The following ACACA variants were observed in gnomAD, a reference collection of about 807,000 sequenced individuals.
ACACA encodes the protein acetyl-CoA carboxylase alpha, also known as acetyl-CoA carboxylase 1.
ACACA carries 103 observed loss-of-function variants against 296.1 expected under a neutral mutation model. The ratio of observed to expected loss-of-function variants is 0.35; its 90% CI spans 0.30 to 0.41. ACACA has a LOEUF of 0.41. Ranked by LOEUF, ACACA falls within the 10% of genes least tolerant of loss-of-function variation. The probability of loss-of-function intolerance (pLI) is 1.00; values close to 1 mark genes in which losing one functional copy is unlikely to be tolerated. For missense variants in ACACA, 1,554 were observed against 2,989.7 expected, an observed-to-expected ratio of 0.52 and a Z score of 11.20; for synonymous variants, 953 against 1,038.6, an observed-to-expected ratio of 0.92 and a Z score of 1.58.
chr17:37,205,952 A>C, intron 32 of ACACA, 80 bp from the exon 33 acceptor site: 4 of 1,227,062 alleles, frequency 3.3e-6, no homozygotes, highest in Non-Finnish European at 4.8e-6. Context: ...TATTTGGTAG[A>C]ATACCTGAAA....
intron 52 of ACACA, among the ~76,000 whole-genome samples, chr17:37,104,988 G>A (rs1020037045): frequency 2.4e-4 from 36 of 149,196 alleles, no homozygotes; most frequent in Non-Finnish European, 4.0e-4. Context: ...ACTCCCAGAG[G>A]AAACGGCTGA....
At position 37,283,399 on chromosome 17, in the gene ACACA, T is replaced by C; in HGVS notation, c.478A>G (p.Ile160Val). The C allele has an allele frequency of 6.2e-7, 1 of 1,613,866 alleles. No individual in the cohort carries two copies. Among genetic ancestry groups the C allele is most frequent in the Admixed American group, 1.7e-5 (1 of 59,990 alleles). Reference protein sequence around the residue: ...GGNKVIEKVLIANNGIAAVKC... With the variant: ...GGNKVIEKVLVANNGIAAVKC... ...ACTGCTGCAATGCCATTGTTAGCAA[T>C]AAGAACCTGGGAGGGGGAAGGAGAT... Residue 160 changes from isoleucine (I) to valine (V), a missense_variant, in exon 5 of 56, where the codon ATT becomes GTT. By Grantham distance (29) the Ile-to-Val change is conservative (BLOSUM62 3). Around this residue, in one of 16 missense-constraint regions of ACACA, gnomAD observed 40 missense variants for 92.2 expected, o/e 0.43. Transcript: ENST00000616317.
chr17:37,139,492 T>C (rs1255748451), intron 45 of ACACA, among the ~76,000 whole-genome samples: 4 of 152,232 alleles, frequency 2.6e-5, no homozygotes, highest in African/African-American at 9.6e-5. Context: ...TAGCTTGTGT[T>C]TGTGTACCCT....
intron 54 of ACACA, among the ~76,000 whole-genome samples, chr17:37,094,784 C>T (rs1015318190): frequency 2.7e-4 from 41 of 152,386 alleles, no homozygotes; most frequent in African/African-American, 9.9e-4. Flanking sequence ...TACCCGTCCT[C>T]ACGTTCAGTC....
At chr17:37,298,477 T>A (rs1462633643) in intron 3 of ACACA, among the ~76,000 whole-genome samples, 1 of 151,264 alleles carries the variant, frequency 6.6e-6, no homozygotes, top group African/African-American at 2.4e-5. Flanking sequence ...AGTATAGGAG[T>A]TTGAGACTAG....
intron 24 of ACACA, 111 bp downstream of exon 24, chr17:37,240,365 G>C: frequency 1.2e-6 from 1 of 843,352 alleles, no homozygotes; most frequent in Non-Finnish European, 2.0e-6. Flanking sequence ...TTAATGGGAA[G>C]TGTTGTTGAC....
chr17:37,339,148 A>T (rs9898293), intron 2 of ACACA, among the ~76,000 whole-genome samples: 99 of 152,342 alleles, frequency 6.5e-4, no homozygotes, highest in African/African-American at 2.2e-3. Flanking sequence ...GATCCAAAAA[A>T]TAAAATCCCA....
intron 3 of ACACA, among the ~76,000 whole-genome samples, chr17:37,315,248 G>A (rs181677728): frequency 7.2e-5 from 11 of 152,212 alleles, no homozygotes; most frequent in Non-Finnish European, 1.0e-4. Flanking sequence ...GTGAGCCACC[G>A]TACCCAGCTG....
chr17:37,272,596 A>G (rs2082117040), intron 9 of ACACA, among the ~76,000 whole-genome samples: 1 of 152,154 alleles, frequency 6.6e-6, no homozygotes, highest in Non-Finnish European at 1.5e-5. Flanking sequence ...ATAGGAGGTC[A>G]GTAAGTAAGA....
At chr17:37,230,551 T>C (rs972962241) in intron 25 of ACACA, among the ~76,000 whole-genome samples, 4 of 152,168 alleles carry the variant, frequency 2.6e-5, no homozygotes, top group Admixed American at 1.3e-4. Flanking sequence ...TAGAAAAAAA[T>C]TGGCAACAGA....
chr17:37,091,558 C>G (rs900494722), intron 54 of ACACA, among the ~76,000 whole-genome samples: 3 of 152,142 alleles, frequency 2.0e-5, no homozygotes, highest in Non-Finnish European at 4.4e-5. Flanking sequence ...AAGCTCCCTT[C>G]CACTGGGTTA....
intron 45 of ACACA, among the ~76,000 whole-genome samples, chr17:37,131,885 A>C (rs1159432390): frequency 1.3e-5 from 2 of 152,250 alleles, no homozygotes; most frequent in East Asian, 3.8e-4. Context: ...CAAGCTGAGC[A>C]ACATGCTGGC....
chr17:37,345,203 A>G (rs2147388173), intron 1 of ACACA: 1 of 152,300 alleles, frequency 6.6e-6, no homozygotes, highest in East Asian at 1.9e-4. Flanking sequence ...ACAGGCCCGC[A>G]CCACCATTCC....
intron 1 of ACACA, among the ~76,000 whole-genome samples, chr17:37,384,439 A>G (rs1478709641): frequency 6.6e-6 from 1 of 152,086 alleles, no homozygotes; most frequent in Admixed American, 6.5e-5. Flanking sequence ...TTCAATCATA[A>G]TATCATTCAG....
chr17:37,331,768 C>T (rs901547906), intron 2 of ACACA, among the ~76,000 whole-genome samples: 20 of 151,696 alleles, frequency 1.3e-4, no homozygotes, highest in African/African-American at 4.8e-4. Context: ...TCTTGAACTC[C>T]TGGGCTCAAG....
rs950251481 is a variant in ACACA, at chr17:37,160,620, T to C, written c.5349+1161A>G. On this transcript the variant is annotated intron_variant, in intron 42 of 55. Transcript: ENST00000616317. Reference sequence around the variant, plus strand: ...AAGTTCAGCTGGGCAGGTGCAGGCATGGGAGCAGAATGGAGAGAGTTGGAT... The same window carrying C: ...AAGTTCAGCTGGGCAGGTGCAGGCACGGGAGCAGAATGGAGAGAGTTGGAT... 3.9e-5 allele frequency among the ~76,000 whole-genome samples: 6 copies of C among 152,232 alleles called. No individual in the cohort carries two copies. The South Asian group carries it at 1.0e-3, about 26-fold the overall frequency.
rs186471849 is a variant in ACACA, at chr17:37,213,881, C to A, written c.3684-3391G>T. On this transcript the variant is annotated intron_variant, in intron 29 of 55. Coordinates refer to ENST00000616317, the MANE Select transcript of ACACA (RefSeq NM_198834.3). Reference sequence around the variant, plus strand: ...TCTGGCAGCCACAAGTTCTGTGAGCCTTTTTACCATCCCTTCCAGCTGAAT... The same window carrying A: ...TCTGGCAGCCACAAGTTCTGTGAGCATTTTTACCATCCCTTCCAGCTGAAT... Among the ~76,000 whole-genome samples the A allele has an allele frequency of 9.0e-3, 1,373 of 152,186 alleles. 17 individuals are homozygous for A. Among genetic ancestry groups the A allele is most frequent in the African/African-American group, 0.032 (1,310 of 41,474 alleles).
rs1422717088 is a variant in ACACA, at chr17:37,085,466, GATTT to G, written c.*1846_*1849del. ...CTTCATACCACTTGTAGATATGTGG[GATTT>G]GATTTATTGCAAAAAAGCATAGAAG... On this transcript the variant is annotated 3_prime_UTR_variant, in exon 56 of 56. Transcript: ENST00000616317. 63 of 397,378 alleles carry G rather than the reference GATTT, an allele frequency of 1.6e-4. No individual in the cohort carries two copies. Among genetic ancestry groups the G allele is most frequent in the Non-Finnish European group, 8.9e-6 (2 of 225,808 alleles). The allele number at this position is 397,378 out of a possible 1,614,324, so 24.6% of individuals were successfully genotyped here.
chr17:37,271,437 C>T (rs181144104), intron 9 of ACACA, among the ~76,000 whole-genome samples: 40 of 151,920 alleles, frequency 2.6e-4, no homozygotes, highest in African/African-American at 9.4e-4. Context: ...ATCGCTTGAA[C>T]CTGGGAGGTG....
Sources: allele counts gnomAD v4.1 joint callset (sites outside exome capture counted in the v4.1 genomes callset), GRCh38; gene constraint gnomAD v4.1.1; regional missense constraint gnomAD v4.1.1; transcripts MANE v1.5; gene names NCBI Gene and HGNC (gene_info 2026-07-23, HGNC 2026-07-21).